THBS2: variants seen among roughly 807,000 people sequenced by gnomAD.
THBS2 encodes thrombospondin 2.
In THBS2, 47 loss-of-function variants were observed where a neutral mutation model predicts 135.2. That is an observed-to-expected ratio of 0.35 (90% CI 0.28 to 0.44). The LOEUF is 0.44. THBS2 is among the 20% of genes least tolerant of loss of function. The pLI, the probability that THBS2 is intolerant of heterozygous loss-of-function variation, is 1.00. For missense variants in THBS2, 1,288 were observed against 1,603.1 expected, an observed-to-expected ratio of 0.80 and a Z score of 3.36; for synonymous variants, 639 against 633.8, an observed-to-expected ratio of 1.01 and a Z score of -0.12.
intron 3 of THBS2, among the ~76,000 whole-genome samples, chr6:169,246,941 C>G (rs1331537802): frequency 6.6e-6 from 1 of 152,212 alleles, no homozygotes; most frequent in African/African-American, 2.4e-5. Context: ...GTTTAAGATT[C>G]ATTTCCAAAC....
chr6:169,225,000 TG>T, intron 17 of THBS2, 144 bp downstream of exon 17: 1 of 771,078 alleles, frequency 1.3e-6, no homozygotes, highest in Non-Finnish European at 2.2e-6. Flanking sequence ...TCATATTGCA[TG>T]GACCCACAGC....
intron 21 of THBS2, among the ~76,000 whole-genome samples, 171 bp from the exon 22 acceptor site, chr6:169,218,000 G>A (rs1271958984): frequency 2.3e-4 from 23 of 98,506 alleles, no homozygotes; most frequent in Admixed American, 4.6e-4. Context: ...GATGAGATGG[G>A]TGGGTGGATG....
In THBS2 at chr6:169,250,589, A is replaced by AGTT; in HGVS notation, c.52+141_52+143dup. On this transcript the variant is annotated intron_variant, in intron 2 of 21. Coordinates refer to ENST00000617924, the MANE Select transcript of THBS2 (RefSeq NM_003247.5). The stretch of plus-strand genomic sequence containing the variant: ...CTCATGTCATATTGGCTCAGAAGTA[A>AGTT]GTTACTATTTGATTTATAAAGGAGC... The AGTT allele has an allele frequency of 9.7e-6, 6 of 616,870 alleles. No homozygotes were observed. The Middle Eastern group carries it at 1.3e-3, about 137-fold the overall frequency. The allele number at this position is 616,870 out of a possible 1,614,324, so 38.2% of individuals were successfully genotyped here. A position where few individuals can be genotyped will look rare whatever the true frequency, so the allele number is the denominator to read the frequency against.
rs1301580089 is a variant in THBS2 at position 169,248,988 on chromosome 6, G to A, written c.53-15C>T. ...CTGGTGACCAGCTGCAAAGGGAACC[G>A]CAGTGGAGAAGGGTGACGTAGGGGA... On this transcript the variant is annotated splice_polypyrimidine_tract_variant and intron_variant, in intron 2 of 21. Transcript: ENST00000617924. The A allele has an allele frequency of 1.3e-6, 2 of 1,585,030 alleles. No individual in the cohort carries two copies. The highest frequency in any genetic ancestry group is 3.4e-5 in the Admixed American group (2 of 58,732).
At position 169,222,306 on chromosome 6, in the gene THBS2, G is replaced by A. The variant is rs1350658095; in HGVS notation, c.3164C>T (p.Thr1055Met). The A allele has an allele frequency of 6.2e-6, 10 of 1,613,388 alleles. No individual in the cohort carries two copies. Among genetic ancestry groups the A allele is most frequent in the African/African-American group, 2.7e-5 (2 of 74,944 alleles). Residue 1055 changes from threonine (T) to methionine (M), a missense_variant, in exon 19 of 22, where the codon ACG becomes ATG. Around this residue, in one of 2 missense-constraint regions of THBS2, gnomAD observed 874 missense variants for 1,156.1 expected, o/e 0.76. Coordinates refer to ENST00000617924, the MANE Select transcript of THBS2 (RefSeq NM_003247.5). ...CACGCCGGAGTAGCCATAGGCCCGC[G>A]TGGGCTGGTCCTCCCAGTAGGTCTG... ...VTQTYWEDQP[T>M]RAYGYSGVSL...
intron 9 of THBS2, among the ~76,000 whole-genome samples, chr6:169,236,851 C>G (rs1780110932): frequency 6.6e-6 from 1 of 150,982 alleles, no homozygotes; most frequent in East Asian, 2.0e-4. Context: ...TCCACACTCA[C>G]TCCCCCATCC....
intron 6 of THBS2, 37 bp downstream of exon 6, chr6:169,240,415 G>T: frequency 6.2e-7 from 1 of 1,606,896 alleles, no homozygotes; most frequent in Admixed American, 1.7e-5. Context: ...GTCCGATGGT[G>T]GCCTCTTCCC....
rs57890304 is a variant in THBS2 at position 169,238,282 on chromosome 6, A to C, written c.1130-487T>G. Reference sequence around the variant, plus strand: ...ACTTATTTCCAAGTAAACTGAAACAAGCTAATAAAAAGGAGATTCCCTGTA... The same window carrying C: ...ACTTATTTCCAAGTAAACTGAAACACGCTAATAAAAAGGAGATTCCCTGTA... On this transcript the variant is annotated intron_variant, in intron 7 of 21. Coordinates refer to ENST00000617924, the MANE Select transcript of THBS2 (RefSeq NM_003247.5). Among the ~76,000 whole-genome samples the C allele has an allele frequency of 7.0e-3, 1,073 of 152,332 alleles. 13 individuals are homozygous for C. The highest frequency in any genetic ancestry group is 0.023 in the African/African-American group (940 of 41,564).
chr6:169,221,542 A>G lies in THBS2; in HGVS notation c.3274-15T>C, dbSNP rs185008601. 1.4e-5 allele frequency: 23 copies of G among 1,612,270 alleles called. No homozygotes were observed. The East Asian group carries it at 4.7e-4, about 33-fold the overall frequency. ...AAGGTTCGCACCTGAGAGAGAACAT[A>G]GCACTCTTGAGTGCCATGGGCACCC... On this transcript the variant is annotated splice_polypyrimidine_tract_variant and intron_variant, in intron 19 of 21. Coordinates refer to ENST00000617924, the MANE Select transcript of THBS2 (RefSeq NM_003247.5).
At position 169,221,442 on chromosome 6, in the gene THBS2, G is replaced by A. The variant is rs760561647; in HGVS notation, c.3359C>T (p.Thr1120Ile). The change falls in exon 20 of 22, where the codon ACT becomes ATT. Residue 1120 changes from threonine (T) to isoleucine (I), a missense_variant. Thr to Ile is a moderately conservative substitution (Grantham distance 89). Around this residue, in one of 2 missense-constraint regions of THBS2, gnomAD observed 874 missense variants for 1,156.1 expected, o/e 0.76. Transcript: ENST00000617924. ...YRWHLTHRPK[T>I]GYIRVLVHEG... is the part of the protein sequence containing the mutation. Reference sequence around the variant, plus strand: ...GACCTGCCCTCACCTGATGTAGCCAGTCTTGGGCCTGTGAGTCAGGTGCCA... The same window carrying A: ...GACCTGCCCTCACCTGATGTAGCCAATCTTGGGCCTGTGAGTCAGGTGCCA... 15 of 1,613,838 alleles carry A rather than the reference G, an allele frequency of 9.3e-6. No homozygotes were observed. In the African/African-American group the frequency reaches 1.9e-4, roughly 20 times the overall value.
rs148807753 is a variant in THBS2, at chr6:169,240,591, G to A, written c.893C>T (p.Ser298Leu). 634 of 1,613,486 alleles carry A rather than the reference G, an allele frequency of 3.9e-4. 3 individuals carry two copies. In the African/African-American group the frequency reaches 7.4e-3, roughly 19 times the overall value. Residue 298 changes from serine (S) to leucine (L), a missense_variant and splice_region_variant, in exon 6 of 22, where the codon TCG (serine) becomes TTG (leucine). Around this residue, in one of 2 missense-constraint regions of THBS2, gnomAD observed 414 missense variants for 447.0 expected, o/e 0.93. Coordinates refer to ENST00000617924, the MANE Select transcript of THBS2 (RefSeq NM_003247.5). ...CTCCCAGAGAAACTGGTTATCATTC[G>A]ACTGGAAAATCAAGTGAAACATTTA... is the stretch of plus-strand genomic sequence containing the variant. ...NQLSENLKRV[S>L]NDNQFLWELI...
At chr6:169,231,870 C>CGTTG (rs1554245894) in intron 13 of THBS2, 110 bp downstream of exon 13, 13 of 1,222,754 alleles carry the variant, frequency 1.1e-5, no homozygotes, top group South Asian at 5.7e-5. Context: ...GAGAGACCCT[C>CGTTG]CTTCCAAATT....
At chr6:169,239,252 C>T in intron 7 of THBS2, 2 of 326,254 alleles carry the variant, frequency 6.1e-6, no homozygotes, top group South Asian at 5.6e-5. Flanking sequence ...TCACTTGCTG[C>T]CATAACACAG....
chr6:169,243,052 A>C (rs1270613749), intron 4 of THBS2, among the ~76,000 whole-genome samples: 4 of 38,026 alleles, frequency 1.1e-4, no homozygotes, highest in Non-Finnish European at 2.0e-4. Context: ...CCACCTTCCC[A>C]CCTTCCCACC....
intron 15 of THBS2, 125 bp from the exon 16 acceptor site, chr6:169,226,423 A>G (rs549553497): frequency 5.2e-5 from 32 of 617,342 alleles, no homozygotes; most frequent in African/African-American, 1.3e-4. Flanking sequence ...TAATTATAAT[A>G]AAAAGACGCC....
chr6:169,225,573 C>A (rs1186725566), intron 16 of THBS2, among the ~76,000 whole-genome samples, 194 bp from the exon 17 acceptor site: 1 of 152,244 alleles, frequency 6.6e-6, no homozygotes, highest in Non-Finnish European at 1.5e-5. Flanking sequence ...CCTCTCGGTC[C>A]AGGAATCTCT....
chr6:169,229,910 C>T (rs1779776061), intron 13 of THBS2, among the ~76,000 whole-genome samples: 2 of 152,132 alleles, frequency 1.3e-5, no homozygotes, highest in Admixed American at 1.3e-4. Flanking sequence ...ACAAAAGAAA[C>T]TTGTGTTCGG....
At chr6:169,221,350 T>C in intron 20 of THBS2, 80 bp downstream of exon 20, 19 of 1,284,624 alleles carry the variant, frequency 1.5e-5, no homozygotes, top group Non-Finnish European at 2.0e-5. Context: ...CACTTGAGCT[T>C]ATTTGTCTAT....
At position 169,230,558 on chromosome 6, in the gene THBS2, G is replaced by A. The variant is rs922409813; in HGVS notation, c.2152-879C>T. 3.9e-5 allele frequency among the ~76,000 whole-genome samples: 6 copies of A among 152,326 alleles called. No individual in the cohort carries two copies. The East Asian group carries it at 1.2e-3, about 29-fold the overall frequency. ...CAGCACCTGTGTGTCGGGTTAATAT[G>A]GGAACGGGCACAGGGGTCCCTTGTC... On this transcript the variant is annotated intron_variant, in intron 13 of 21. Coordinates refer to ENST00000617924, the MANE Select transcript of THBS2 (RefSeq NM_003247.5).
Sources: gnomAD v4.1 joint callset for allele counts (sites outside exome capture counted in the v4.1 genomes callset) on GRCh38, gnomAD v4.1.1 for gene constraint, gnomAD v4.1.1 regional missense constraint, MANE v1.5 for transcripts, NCBI Gene and HGNC (gene_info 2026-07-23, HGNC 2026-07-21) for gene names.